CCDC148: variants seen among roughly 807,000 people sequenced by gnomAD.
CCDC148 encodes the protein coiled-coil domain containing 148, also known as coiled-coil domain-containing protein 148.
CCDC148 carries 89 observed loss-of-function variants against 85.7 expected under a neutral mutation model. The ratio of observed to expected loss-of-function variants is 1.04; its 90% CI spans 0.87 to 1.24. CCDC148 has a LOEUF of 1.24. Ranked by LOEUF, CCDC148 falls within the 50% of genes most tolerant of loss-of-function variation. CCDC148 has a pLI of 0.00. For synonymous variants in CCDC148, 230 were observed against 213.9 expected (o/e 1.08, Z -0.66); for missense variants, 692 against 671.7 (o/e 1.03, Z -0.33).
At position 158,456,515 on chromosome 2, in the gene CCDC148, C is replaced by T. The variant is rs184264489; in HGVS notation, c.-76G>A. ...TGAAACGCCCACTCCTGGGCTCTCGCCGTCAGGGGTACATCTAAGGGCTCA... is the reference window on the plus strand; with the variant it reads ...TGAAACGCCCACTCCTGGGCTCTCGTCGTCAGGGGTACATCTAAGGGCTCA... On this transcript the variant is annotated 5_prime_UTR_variant, in exon 1 of 14. Coordinates refer to ENST00000283233, the MANE Select transcript of CCDC148 (RefSeq NM_138803.4). The T allele has an allele frequency of 2.2e-4, 342 of 1,552,252 alleles. 3 individuals carry two copies. In the East Asian group the frequency reaches 6.1e-3, roughly 28 times the overall value.
intron 2 of CCDC148, among the ~76,000 whole-genome samples, chr2:158,351,339 A>C (rs994464297): frequency 6.6e-6 from 1 of 152,170 alleles, no homozygotes; most frequent in African/African-American, 2.4e-5. Context: ...TCATCTCACT[A>C]GGGAGTGCCA....
chr2:158,304,410 G>C (rs566571740), intron 9 of CCDC148, among the ~76,000 whole-genome samples: 1 of 152,138 alleles, frequency 6.6e-6, no homozygotes, highest in African/African-American at 2.4e-5. Context: ...CCTGATGTGG[G>C]TCATGCTCAT....
chr2:158,374,239 C>T (rs187969122), intron 1 of CCDC148, among the ~76,000 whole-genome samples: 5 of 152,116 alleles, frequency 3.3e-5, no homozygotes, highest in South Asian at 2.1e-4. Flanking sequence ...TGCAGTTGAC[C>T]GGTGCCCCAG....
chr2:158,189,964 A>C (rs1377243278), intron 11 of CCDC148, among the ~76,000 whole-genome samples: 4 of 152,036 alleles, frequency 2.6e-5, no homozygotes, highest in Admixed American at 6.6e-5. Context: ...ATTCTATTGA[A>C]TATCCTAAGC....
At chr2:158,174,854 A>T (rs1684496677) in intron 13 of CCDC148, among the ~76,000 whole-genome samples, 1 of 152,192 alleles carries the variant, frequency 6.6e-6, no homozygotes, top group Admixed American at 6.5e-5. Context: ...TATAATCTTA[A>T]GGGACCACCA....
rs372774855 is a variant in CCDC148 at position 158,408,217 on chromosome 2, T to G, written c.25+48198A>C. Among the ~76,000 whole-genome samples, 4 of 152,298 alleles carry G rather than the reference T, an allele frequency of 2.6e-5. No homozygotes were observed. The East Asian group carries it at 5.8e-4, about 22-fold the overall frequency. On this transcript the variant is annotated intron_variant, in intron 1 of 13. Transcript: ENST00000283233. ...CGTATCTATCACCTCACATAACCAT[T>G]TTCTTTTTTCTTTTCTGTGGTGAGA...
At chr2:158,354,682 T>G (rs1417188521) in intron 2 of CCDC148, among the ~76,000 whole-genome samples, 1 of 151,948 alleles carries the variant, frequency 6.6e-6, no homozygotes, top group Non-Finnish European at 1.5e-5. Context: ...CTTCTGAAAC[T>G]ATTCCAATCA....
intron 1 of CCDC148, among the ~76,000 whole-genome samples, chr2:158,419,014 A>C (rs1295305414): frequency 6.6e-6 from 1 of 152,124 alleles, no homozygotes; most frequent in Non-Finnish European, 1.5e-5. Flanking sequence ...TGTATTTCAT[A>C]ATTAGAGAAG....
chr2:158,353,172 C>T (rs1455952425), intron 2 of CCDC148, among the ~76,000 whole-genome samples: 9 of 132,428 alleles, frequency 6.8e-5, no homozygotes, highest in African/African-American at 1.5e-4. Flanking sequence ...CATCAACTAA[C>T]GAGCAAAATC....
intron 1 of CCDC148, among the ~76,000 whole-genome samples, chr2:158,454,223 T>C (rs943290394): frequency 1.3e-5 from 2 of 152,208 alleles, no homozygotes; most frequent in African/African-American, 4.8e-5. Context: ...TCAGACAGTT[T>C]CTTGGTGAAA....
At chr2:158,430,241 G>A (rs919403449) in intron 1 of CCDC148, among the ~76,000 whole-genome samples, 4 of 152,040 alleles carry the variant, frequency 2.6e-5, no homozygotes, top group South Asian at 2.1e-4. Flanking sequence ...AGCCTTAGGA[G>A]GAAAACTGAA....
chr2:158,377,553 A>G (rs910819784), intron 1 of CCDC148, among the ~76,000 whole-genome samples: 4 of 152,066 alleles, frequency 2.6e-5, no homozygotes, highest in Admixed American at 2.6e-4. Flanking sequence ...ACTCTCATAC[A>G]CATTGTTGGT....
intron 1 of CCDC148, among the ~76,000 whole-genome samples, chr2:158,453,324 C>G (rs1261024370): frequency 6.6e-6 from 1 of 152,124 alleles, no homozygotes; most frequent in Non-Finnish European, 1.5e-5. Context: ...AAAGTTTTTA[C>G]AGGTAATCAT....
intron 9 of CCDC148, among the ~76,000 whole-genome samples, chr2:158,279,973 A>C (rs1344318676): frequency 2.0e-5 from 3 of 151,882 alleles, no homozygotes; most frequent in East Asian, 1.9e-4. Flanking sequence ...GCCAATATTC[A>C]ACATTCTTAA....
chr2:158,176,776 TGAGAG>T (rs1340762475), intron 12 of CCDC148, 115 bp from the exon 13 acceptor site: 17 of 1,218,802 alleles, frequency 1.4e-5, no homozygotes, highest in South Asian at 4.2e-5. Flanking sequence ...AGGTAAAGCC[TGAGAG>T]GAAAGGGCAG....
intron 9 of CCDC148, among the ~76,000 whole-genome samples, chr2:158,302,485 A>G (rs2105200760): frequency 6.6e-6 from 1 of 152,228 alleles, no homozygotes; most frequent in East Asian, 1.9e-4. Context: ...GCATGGAAGC[A>G]AAGAAAGACA....
At chr2:158,276,046 G>C (rs1689926250) in intron 9 of CCDC148, among the ~76,000 whole-genome samples, 1 of 152,136 alleles carries the variant, frequency 6.6e-6, no homozygotes, top group African/African-American at 2.4e-5. Flanking sequence ...CATGTAAAAT[G>C]GTGATATGTG....
chr2:158,179,105 C>A, intron 11 of CCDC148, 109 bp from the exon 12 acceptor site: 52 of 468,428 alleles, frequency 1.1e-4, no homozygotes, highest in Middle Eastern at 6.3e-4. Flanking sequence ...AGCACTGTCA[C>A]ATTTTTTTTT....
intron 1 of CCDC148, among the ~76,000 whole-genome samples, chr2:158,420,949 C>G (rs779879909): frequency 6.6e-6 from 1 of 151,442 alleles, no homozygotes; most frequent in Non-Finnish European, 1.5e-5. Context: ...TAGTCTCTGA[C>G]AAAAGAGACT....
Sources: gnomAD v4.1 joint callset for allele counts (sites outside exome capture counted in the v4.1 genomes callset) on GRCh38, gnomAD v4.1.1 for gene constraint, MANE v1.5 for transcripts, NCBI Gene and HGNC (gene_info 2026-07-23, HGNC 2026-07-21) for gene names.